Variants in KCTD1 observed in about 807,000 individuals in gnomAD.
The protein encoded by KCTD1 is BTB/POZ domain-containing protein KCTD1.
A neutral mutation model predicts 66.0 loss-of-function variants in KCTD1; 24 were observed. That is an observed-to-expected ratio of 0.36 (90% CI 0.26 to 0.51). KCTD1 has a LOEUF of 0.51. Ranked by LOEUF, KCTD1 falls within the 20% of genes least tolerant of loss-of-function variation. The pLI is 0.95. For missense variants in KCTD1, 943 were observed against 1,205.2 expected, an observed-to-expected ratio of 0.78 and a Z score of 3.22; for synonymous variants, 511 against 517.2, an observed-to-expected ratio of 0.99 and a Z score of 0.16.
chr18:26,596,254 T>C (rs1986762556), intron 1 of KCTD1, among the ~76,000 whole-genome samples: 2 of 152,048 alleles, frequency 1.3e-5, no homozygotes, highest in Admixed American at 6.5e-5. Context: ...TATAGGAAGA[T>C]ATACCAGAAA....
Position 26,459,910 on chromosome 18 carries a change from A to G in KCTD1, c.2149T>C (p.Tyr717His), listed in dbSNP as rs1394174177. 6.3e-7 allele frequency: 1 copy of G among 1,595,360 alleles called. No homozygotes were observed. The highest frequency in any genetic ancestry group is 1.3e-5 in the African/African-American group (1 of 74,288). ...PDDFKDYTLL[Y>H]EEAKYFQLQP... ...AGCTGAAAATATTTTGCCTCTTCAT[A>G]TAACAAAGTGTAGTCCTGGAAAAAA... Residue 717 changes from tyrosine to histidine, a missense_variant, in exon 4 of 5, where the codon TAT (tyrosine) becomes CAT (histidine). This residue lies in a region of KCTD1 where 162 missense variants were observed against 232.4 expected (regional missense o/e 0.70). Coordinates refer to ENST00000580059, the MANE Select transcript of KCTD1 (RefSeq NM_001142730.3).
intron 1 of KCTD1, among the ~76,000 whole-genome samples, chr18:26,578,053 CTTTCTTTTT>C (rs1002879601): frequency 2.4e-5 from 3 of 124,738 alleles, no homozygotes; most frequent in Non-Finnish European, 3.4e-5. Flanking sequence ...CTTTTCTTTT[CTTTCTTTTT>C]TTTTTTTTTT....
chr18:26,609,855 T>C (rs1290542366), intron 1 of KCTD1, among the ~76,000 whole-genome samples: 1 of 152,224 alleles, frequency 6.6e-6, no homozygotes, highest in Non-Finnish European at 1.5e-5. Flanking sequence ...ACTTCTAAAA[T>C]GCTTTTGCCG....
At chr18:26,587,717 C>T (rs1038667341) in intron 1 of KCTD1, among the ~76,000 whole-genome samples, 1 of 152,142 alleles carries the variant, frequency 6.6e-6, no homozygotes, top group Non-Finnish European at 1.5e-5. Context: ...AAACGACTTT[C>T]AGGGGCTCAA....
rs78742188 is a variant in KCTD1, at chr18:26,467,929, T to C, written c.2134-8004A>G. ...CAGCAAGTTTGTCTATGTCTAGGAATGGTGGACATACAGACAGACCATGAA... is the reference window on the plus strand; with the variant it reads ...CAGCAAGTTTGTCTATGTCTAGGAACGGTGGACATACAGACAGACCATGAA... On this transcript the variant is annotated intron_variant, in intron 3 of 4. Coordinates refer to ENST00000580059, the MANE Select transcript of KCTD1 (RefSeq NM_001142730.3). Among the ~76,000 whole-genome samples, 444 of 152,304 alleles carry C rather than the reference T, an allele frequency of 2.9e-3. 2 individuals are homozygous for C. Among genetic ancestry groups the C allele is most frequent in the African/African-American group, 0.01 (427 of 41,568 alleles).
At chr18:26,570,084 G>A (rs1986068136) in intron 1 of KCTD1, among the ~76,000 whole-genome samples, 1 of 151,670 alleles carries the variant, frequency 6.6e-6, no homozygotes, top group South Asian at 2.1e-4. Context: ...TATTAGGGAG[G>A]CTGAGGCAAG....
intron 1 of KCTD1, among the ~76,000 whole-genome samples, chr18:26,593,493 G>A (rs202082338): frequency 1.6e-3 from 145 of 88,366 alleles, no homozygotes; most frequent in East Asian, 3.1e-3. Flanking sequence ...AGAAGACAAG[G>A]AGGAGGAGGA....
At chr18:26,502,278 T>C (rs1036982465) in intron 1 of KCTD1, among the ~76,000 whole-genome samples, 2 of 152,194 alleles carry the variant, frequency 1.3e-5, no homozygotes, top group Admixed American at 1.3e-4. Context: ...CTTGATCTCC[T>C]GACCTCGTGA....
chr18:26,540,860 T>A (rs985198143), intron 1 of KCTD1, among the ~76,000 whole-genome samples: 2 of 152,184 alleles, frequency 1.3e-5, no homozygotes, highest in Non-Finnish European at 1.5e-5. Context: ...AAAAGCAGTG[T>A]TTTGACTGCA....
intron 1 of KCTD1, among the ~76,000 whole-genome samples, chr18:26,534,424 G>C (rs1013699472): frequency 1.3e-5 from 2 of 151,964 alleles, no homozygotes; most frequent in African/African-American, 4.8e-5. Flanking sequence ...AAAGATGTGA[G>C]TTCTCCAACT....
chr18:26,643,770 G>A (rs1299422564), upstream of KCTD1, among the ~76,000 whole-genome samples: 1 of 152,182 alleles, frequency 6.6e-6, no homozygotes, highest in Non-Finnish European at 1.5e-5. Context: ...AGACCATCCT[G>A]GCTAACACGA....
At chr18:26,556,487 C>T (rs1027174143) in intron 1 of KCTD1, among the ~76,000 whole-genome samples, 2 of 152,214 alleles carry the variant, frequency 1.3e-5, no homozygotes, top group African/African-American at 2.4e-5. Flanking sequence ...CTTTATAGCT[C>T]ATTCCCTTAA....
At chr18:26,513,965 C>G (rs1262164437) in intron 1 of KCTD1, among the ~76,000 whole-genome samples, 2 of 152,194 alleles carry the variant, frequency 1.3e-5, no homozygotes, top group Non-Finnish European at 2.9e-5. Context: ...TTCTACTTGC[C>G]TCCACTGGCA....
intron 1 of KCTD1, among the ~76,000 whole-genome samples, chr18:26,506,940 C>G (rs1322785175): frequency 1.3e-5 from 2 of 152,174 alleles, no homozygotes; most frequent in Non-Finnish European, 2.9e-5. Flanking sequence ...CCGAGGCGGG[C>G]AGATCACCTG....
intron 4 of KCTD1, chr18:26,459,120 C>T (rs1278075229): frequency 6.5e-6 from 1 of 153,282 alleles, no homozygotes; most frequent in Non-Finnish European, 1.5e-5. Flanking sequence ...TCAAGCCAAA[C>T]TGGCTTTCCT....
chr18:26,562,939 C>G (rs1382879897), intron 1 of KCTD1, among the ~76,000 whole-genome samples: 1 of 152,188 alleles, frequency 6.6e-6, no homozygotes, highest in Non-Finnish European at 1.5e-5. Flanking sequence ...TAGAGTCACA[C>G]TGCAGGGTTA....
Position 26,538,976 on chromosome 18 carries a change from C to G in KCTD1, c.1809+7752G>C, listed in dbSNP as rs138102173. On this transcript the variant is annotated intron_variant, in intron 1 of 4. Coordinates refer to ENST00000580059, the MANE Select transcript of KCTD1 (RefSeq NM_001142730.3). ...ACATTCTTTTTTGTGTCTCTGCATACTTATGTCACTGCTTTGTGATGCTGT... is the reference window on the plus strand; with the variant it reads ...ACATTCTTTTTTGTGTCTCTGCATAGTTATGTCACTGCTTTGTGATGCTGT... Among the ~76,000 whole-genome samples, 16 of 152,352 alleles carry G rather than the reference C, an allele frequency of 1.1e-4. 1 individual carries two copies. Among genetic ancestry groups the G allele is most frequent in the African/African-American group, 3.4e-4 (14 of 41,586 alleles).
At chr18:26,623,447 C>T (rs1422954581) in intron 1 of KCTD1, among the ~76,000 whole-genome samples, 2 of 152,090 alleles carry the variant, frequency 1.3e-5, no homozygotes, top group Non-Finnish European at 2.9e-5. Flanking sequence ...GGGCAGTTAC[C>T]CCCATGCTGC....
chr18:26,647,482 T>C (rs1210948243), intron 1 of KCTD1, among the ~76,000 whole-genome samples: 1 of 119,352 alleles, frequency 8.4e-6, no homozygotes, highest in African/African-American at 3.3e-5. Flanking sequence ...ATCATGCCGC[T>C]ACACTCCAGT....
Sources: gnomAD v4.1 joint callset for allele counts (sites outside exome capture counted in the v4.1 genomes callset) on GRCh38, gnomAD v4.1.1 for gene constraint, gnomAD v4.1.1 regional missense constraint, MANE v1.5 for transcripts, NCBI Gene and HGNC (gene_info 2026-07-23, HGNC 2026-07-21) for gene names.